SCOC: variants seen among roughly 807,000 people sequenced by gnomAD.
SCOC encodes short coiled-coil protein.
SCOC carries 7 observed loss-of-function variants against 9.9 expected under a neutral mutation model. That is an observed-to-expected ratio of 0.71 (90% CI 0.40 to 1.33). SCOC has a LOEUF of 1.33. Ranked by LOEUF, SCOC falls within the 40% of genes most tolerant of loss-of-function variation. The probability of loss-of-function intolerance (pLI) is 0.01; values close to 1 mark genes in which losing one functional copy is unlikely to be tolerated. For missense variants in SCOC, 66 were observed against 89.7 expected (o/e 0.74, Z 1.07); for synonymous variants, 19 against 28.2 (o/e 0.67, Z 1.03).
chr4:140,263,699 G>C (rs1730677972), intron 1 of SCOC, among the ~76,000 whole-genome samples: 1 of 152,114 alleles, frequency 6.6e-6, no homozygotes, highest in African/African-American at 2.4e-5. Flanking sequence ...CCTTTTACTT[G>C]GCTTAGTTAT....
chr4:140,352,874 A>G (rs144625457), intron 2 of SCOC, among the ~76,000 whole-genome samples: 54 of 152,304 alleles, frequency 3.5e-4, no homozygotes, highest in African/African-American at 1.2e-3. Flanking sequence ...AAAATCCTTC[A>G]TAGTTATGGT....
At position 140,346,464 on chromosome 4, in the gene SCOC, C is replaced by T. The variant is rs149370189; in HGVS notation, c.70+2756C>T. ...TATCGCTGTCTCCTTTTACCTCCAT[C>T]GCCTCCCCCTTATACTGCTTCTTTT... On this transcript the variant is annotated intron_variant, in intron 2 of 4. Coordinates refer to the SCOC transcript ENST00000338517. Among the ~76,000 whole-genome samples the T allele has an allele frequency of 3.4e-3, 516 of 152,250 alleles. 6 individuals are homozygous for T. Among genetic ancestry groups the T allele is most frequent in the African/African-American group, 0.012 (485 of 41,546 alleles).
chr4:140,278,700 T>G, intron 1 of SCOC, among the ~76,000 whole-genome samples: 1 of 152,178 alleles, frequency 6.6e-6, no homozygotes, highest in East Asian at 1.9e-4. Context: ...ATGTATACAT[T>G]TTGGAGGGAC....
chr4:140,261,547 G>A (rs116317259), intron 1 of SCOC, among the ~76,000 whole-genome samples: 1 of 152,158 alleles, frequency 6.6e-6, no homozygotes, highest in African/African-American at 2.4e-5. Flanking sequence ...AGTGCCCTCT[G>A]CATTCATGAA....
chr4:140,321,581 A>G (rs948670129), intron 1 of SCOC, among the ~76,000 whole-genome samples: 1 of 152,212 alleles, frequency 6.6e-6, no homozygotes, highest in African/African-American at 2.4e-5. Flanking sequence ...TAGACTTGAT[A>G]TAGTCAAGGA....
At chr4:140,273,979 CA>C (rs1329991658) in intron 1 of SCOC, among the ~76,000 whole-genome samples, 3 of 151,980 alleles carry the variant, frequency 2.0e-5, no homozygotes, top group Admixed American at 1.3e-4. Flanking sequence ...TCTCAGAGGT[CA>C]AAAAAGGGAT....
intron 1 of SCOC, among the ~76,000 whole-genome samples, chr4:140,377,322 G>A (rs1271542982): frequency 6.6e-6 from 1 of 152,158 alleles, no homozygotes; most frequent in Non-Finnish European, 1.5e-5. Context: ...AAATACTACA[G>A]TAGGCTGAAT....
intron 1 of SCOC, among the ~76,000 whole-genome samples, chr4:140,330,343 C>T (rs1035281565): frequency 6.6e-6 from 1 of 152,104 alleles, no homozygotes; most frequent in South Asian, 2.1e-4. Context: ...GTGCTGGGTG[C>T]ACCAAAATCT....
Position 140,349,925 on chromosome 4 carries a change from C to T in SCOC, c.70+6217C>T, listed in dbSNP as rs183564965. Among the ~76,000 whole-genome samples, 174 of 152,260 alleles carry T rather than the reference C, an allele frequency of 1.1e-3. 1 individual carries two copies. Among genetic ancestry groups the T allele is most frequent in the Non-Finnish European group, 1.9e-3 (126 of 68,024 alleles). ...CTCACAGCCCCTGAAGGATAAAGTCCGATTCACTTAGCATAGCATTGAAGG... is the reference window on the plus strand; with the variant it reads ...CTCACAGCCCCTGAAGGATAAAGTCTGATTCACTTAGCATAGCATTGAAGG... On this transcript the variant is annotated intron_variant, in intron 2 of 4. Transcript: ENST00000338517.
At chr4:140,375,414 A>G (rs927748227) in intron 1 of SCOC, among the ~76,000 whole-genome samples, 1 of 152,202 alleles carries the variant, frequency 6.6e-6, no homozygotes, top group African/African-American at 2.4e-5. Context: ...GAGGAAACTT[A>G]AGGCCGAGGT....
At chr4:140,325,695 T>C (rs931089151) in intron 1 of SCOC, among the ~76,000 whole-genome samples, 2 of 152,156 alleles carry the variant, frequency 1.3e-5, no homozygotes, top group African/African-American at 2.4e-5. Flanking sequence ...TATGGTGAGA[T>C]GCAAAGCAAC....
rs561717994 is a variant in SCOC at position 140,319,208 on chromosome 4, C to T, written c.-18-24413C>T. Among the ~76,000 whole-genome samples, 10 of 152,310 alleles carry T rather than the reference C, an allele frequency of 6.6e-5. No individual in the cohort carries two copies. In the South Asian group the frequency reaches 2.1e-3, roughly 32 times the overall value. Reference sequence around the variant, plus strand: ...CCAGGTTCAAGTGATTATCCTGCCTCAGCCTCCTGAGTAGCTGGGATTACA... The same window carrying T: ...CCAGGTTCAAGTGATTATCCTGCCTTAGCCTCCTGAGTAGCTGGGATTACA... On this transcript the variant is annotated intron_variant, in intron 1 of 4. Coordinates refer to the SCOC transcript ENST00000394205.
chr4:140,379,589 G>T lies in SCOC; in HGVS notation c.43G>T (p.Val15Leu). ...TACAGCAGTTGATGCTGAAAATCAA[G>T]TGGAACTGGAGGAAAAAACAAGACT... is the stretch of plus-strand genomic sequence containing the variant. ...DMDAVDAENQ[V>L]ELEEKTRLIN... Residue 15 changes from valine (V) to leucine (L), a missense_variant, in exon 3 of 4, where the codon GTG (valine) becomes TTG (leucine). Coordinates refer to ENST00000608372, the MANE Select transcript of SCOC (RefSeq NM_001153484.2). 6.2e-7 allele frequency: 1 copy of T among 1,612,380 alleles called. No homozygotes were observed. Among genetic ancestry groups the T allele is most frequent in the Non-Finnish European group, 8.5e-7 (1 of 1,179,250 alleles).
intron 1 of SCOC, among the ~76,000 whole-genome samples, chr4:140,286,954 C>T (rs1284462543): frequency 6.6e-6 from 1 of 152,046 alleles, no homozygotes; most frequent in African/African-American, 2.4e-5. Context: ...ACACACACCA[C>T]GAACACATAC....
At chr4:140,349,076 C>T (rs544606106) in intron 2 of SCOC, among the ~76,000 whole-genome samples, 11 of 152,216 alleles carry the variant, frequency 7.2e-5, no homozygotes, top group African/African-American at 2.6e-4. Context: ...CTTGCATTTT[C>T]CACTTTTGAC....
At chr4:140,344,974 C>G (rs1245744056) in intron 2 of SCOC, among the ~76,000 whole-genome samples, 1 of 152,116 alleles carries the variant, frequency 6.6e-6, no homozygotes, top group Admixed American at 6.5e-5. Context: ...TACAGCGACT[C>G]TCTGACGCAC....
At position 140,343,754 on chromosome 4, in the gene SCOC, C is replaced by T. The variant is rs183032002; in HGVS notation, c.70+46C>T. The T allele has an allele frequency of 1.4e-4, 181 of 1,306,406 alleles. No individual in the cohort carries two copies. The African/African-American group carries it at 2.5e-3, about 18-fold the overall frequency. The allele number at this position is 1,306,406 out of a possible 1,614,324, so 80.9% of individuals were successfully genotyped here. A position where few individuals can be genotyped will look rare whatever the true frequency, so the allele number is the denominator to read the frequency against. On this transcript the variant is annotated intron_variant, in intron 2 of 4. Coordinates refer to the SCOC transcript ENST00000338517. ...TTCTCAAACATACATTCAACAACAG[C>T]TCAGTTTTTTAAAAATATAACTTTT... is the stretch of plus-strand genomic sequence containing the variant.
intron 2 of SCOC, among the ~76,000 whole-genome samples, chr4:140,348,616 C>T (rs77938503): frequency 1.1e-3 from 167 of 151,728 alleles, no homozygotes; most frequent in African/African-American, 3.9e-3. Flanking sequence ...ATTCATCTGT[C>T]GACAGACATT....
chr4:140,322,178 CGA>C (rs1732518683), intron 1 of SCOC, among the ~76,000 whole-genome samples: 1 of 152,060 alleles, frequency 6.6e-6, no homozygotes, highest in African/African-American at 2.4e-5. Context: ...GAAATTGGTA[CGA>C]GAGGAGTGAG....
Sources: gnomAD v4.1 joint callset for allele counts (sites outside exome capture counted in the v4.1 genomes callset) on GRCh38, gnomAD v4.1.1 for gene constraint, MANE v1.5 for transcripts, NCBI Gene and HGNC (gene_info 2026-07-23, HGNC 2026-07-21) for gene names.